OPRD1: variants seen among roughly 807,000 people sequenced by gnomAD.
OPRD1 encodes delta-type opioid receptor.
In OPRD1, 19 loss-of-function variants were observed where a neutral mutation model predicts 17.5. That is an observed-to-expected ratio of 1.09 (90% CI 0.76 to 1.60). OPRD1 has a LOEUF of 1.60. OPRD1 is among the 40% of genes most tolerant of loss of function. The probability of loss-of-function intolerance (pLI) is 0.00; values close to 1 mark genes in which losing one functional copy is unlikely to be tolerated. For synonymous variants in OPRD1, 256 were observed against 240.9 expected (o/e 1.06, Z -0.58); for missense variants, 483 against 547.2 (o/e 0.88, Z 1.17).
intron 1 of OPRD1, among the ~76,000 whole-genome samples, chr1:28,818,046 G>T (rs187215414): frequency 6.6e-6 from 1 of 152,146 alleles, no homozygotes; most frequent in Admixed American, 6.5e-5. Flanking sequence ...AAATTGGGGC[G>T]ATATGACAGG....
intron 1 of OPRD1, among the ~76,000 whole-genome samples, chr1:28,816,371 C>T (rs934075747): frequency 3.9e-5 from 6 of 152,008 alleles, no homozygotes; most frequent in African/African-American, 9.6e-5. Flanking sequence ...AGCTAAAGGA[C>T]GAGGAGGGGA....
chr1:28,866,651 G>A lies in OPRD1; in HGVS notation c.*3368G>A, dbSNP rs564770168. On this transcript the variant is annotated 3_prime_UTR_variant, in exon 3 of 3. Coordinates refer to ENST00000234961, the MANE Select transcript of OPRD1 (RefSeq NM_000911.4). ...TGGAATTCCAGGGTCCATGTTTCCAGTTAATTCCAGGCATCAGTGAAGTAG... is the reference window on the plus strand; with the variant it reads ...TGGAATTCCAGGGTCCATGTTTCCAATTAATTCCAGGCATCAGTGAAGTAG... The A allele has an allele frequency of 2.0e-5, 3 of 152,152 alleles. No individual in the cohort carries two copies. The highest frequency in any genetic ancestry group is 4.4e-5 in the Non-Finnish European group (3 of 68,018). The allele number at this position is 152,152 out of a possible 1,614,324, so 9.4% of individuals were successfully genotyped here. A position where few individuals can be genotyped will look rare whatever the true frequency, so the allele number is the denominator to read the frequency against.
In OPRD1 at chr1:28,845,202, G is replaced by A. The variant is rs112397647; in HGVS notation, c.228-13752G>A. 7.2e-5 allele frequency among the ~76,000 whole-genome samples: 11 copies of A among 151,878 alleles called. 1 individual carries two copies. The highest frequency in any genetic ancestry group is 2.7e-4 in the African/African-American group (11 of 41,408). ...TACTAAAAATACAAAAATTAGCTGG[G>A]GCCAGGCACGGTGGCTCATGCCTGT... On this transcript the variant is annotated intron_variant, in intron 1 of 2. Coordinates refer to ENST00000234961, the MANE Select transcript of OPRD1 (RefSeq NM_000911.4).
intron 1 of OPRD1, among the ~76,000 whole-genome samples, chr1:28,846,862 C>CTTTCTTTCTTTCTTTCTTTCT (rs2088954109): frequency 3.4e-5 from 2 of 59,446 alleles, no homozygotes; most frequent in Admixed American, 1.9e-4. Context: ...TTCTTTCTTT[C>CTTTCTTTCTTTCTTTCTTTCT]TTTCTTTCTT....
intron 1 of OPRD1, among the ~76,000 whole-genome samples, chr1:28,857,382 T>G (rs984403414): frequency 3.9e-5 from 6 of 152,194 alleles, no homozygotes; most frequent in African/African-American, 1.4e-4. Flanking sequence ...GAACCCAGAT[T>G]TGCTTTCTGC....
rs779559537 is a variant in OPRD1, at chr1:28,863,231, G to A, written c.1067G>A (p.Arg356His). 1.3e-6 allele frequency: 2 copies of A among 1,563,972 alleles called. No homozygotes were observed. Among genetic ancestry groups the A allele is most frequent in the South Asian group, 1.2e-5 (1 of 86,668 alleles). ...SRAREATARE[R>H]VTACTPSDGP... ...GCCCGCGAAGCCACGGCCCGCGAGC[G>A]TGTCACCGCCTGCACCCCGTCCGAT... The change falls in exon 3 of 3, where the codon CGT (arginine) becomes CAT (histidine). Residue 356 changes from arginine to histidine, a missense_variant. Arg to His is a conservative substitution (Grantham distance 29, BLOSUM62 0). Coordinates refer to ENST00000234961, the MANE Select transcript of OPRD1 (RefSeq NM_000911.4).
chr1:28,863,261 C>T lies in OPRD1; in HGVS notation c.1097C>T (p.Pro366Leu), dbSNP rs748614920. Residue 366 changes from proline (P) to leucine (L), a missense_variant, in exon 3 of 3, where the codon CCC (proline) becomes CTC (leucine). Coordinates refer to ENST00000234961, the MANE Select transcript of OPRD1 (RefSeq NM_000911.4). ...ACCGCCTGCACCCCGTCCGATGGTC[C>T]CGGCGGTGGCGCTGCCGCCTGACCA... ...RVTACTPSDG[P>L]GGGAAA 24 of 1,471,716 alleles carry T rather than the reference C, an allele frequency of 1.6e-5. No individual in the cohort carries two copies. Among genetic ancestry groups the T allele is most frequent in the Non-Finnish European group, 2.0e-5 (22 of 1,123,192 alleles). The allele number at this position is 1,471,716 out of a possible 1,614,324, so 91.2% of individuals were successfully genotyped here. A position where few individuals can be genotyped will look rare whatever the true frequency, so the allele number is the denominator to read the frequency against.
chr1:28,842,355 C>T (rs540812976), intron 1 of OPRD1, among the ~76,000 whole-genome samples: 1 of 152,328 alleles, frequency 6.6e-6, no homozygotes, highest in Non-Finnish European at 1.5e-5. Flanking sequence ...AGACGTCGGC[C>T]GCTCTGACCA....
intron 1 of OPRD1, among the ~76,000 whole-genome samples, chr1:28,828,600 C>T (rs1320393916): frequency 1.3e-5 from 2 of 149,734 alleles, no homozygotes; most frequent in South Asian, 2.1e-4. Context: ...GAGGGAGAGT[C>T]GCTTGAGCTC....
In OPRD1 at chr1:28,817,006, C is replaced by T. The variant is rs1048322646; in HGVS notation, c.227+4396C>T. On this transcript the variant is annotated intron_variant, in intron 1 of 2. Coordinates refer to ENST00000234961, the MANE Select transcript of OPRD1 (RefSeq NM_000911.4). ...GTCTGTTCCACAGCCTTCTCTGTTT[C>T]CCTGCCTCCTCTGCGCCCCGAGCTA... Among the ~76,000 whole-genome samples, 11 of 152,312 alleles carry T rather than the reference C, an allele frequency of 7.2e-5. 1 individual carries two copies. In the East Asian group the frequency reaches 1.7e-3, roughly 24 times the overall value.
At chr1:28,833,572 A>T (rs944143264) in intron 1 of OPRD1, among the ~76,000 whole-genome samples, 2 of 152,224 alleles carry the variant, frequency 1.3e-5, no homozygotes, top group African/African-American at 4.8e-5. Context: ...ATCTCCTTAA[A>T]GTCAGCTGAT....
intron 1 of OPRD1, among the ~76,000 whole-genome samples, chr1:28,832,406 C>T (rs1309431565): frequency 6.6e-6 from 1 of 151,920 alleles, no homozygotes; most frequent in African/African-American, 2.4e-5. Flanking sequence ...TCGCTCGAGC[C>T]CAGGAGTTCA....
intron 1 of OPRD1, among the ~76,000 whole-genome samples, chr1:28,818,978 T>G (rs1244431680): frequency 6.7e-6 from 1 of 149,658 alleles, no homozygotes; most frequent in African/African-American, 2.5e-5. Context: ...AGGGGGATTT[T>G]GGAGCAATCT....
chr1:28,837,776 A>G (rs903387252), intron 1 of OPRD1, among the ~76,000 whole-genome samples: 16 of 150,586 alleles, frequency 1.1e-4, no homozygotes. Flanking sequence ...CTCCTACCTC[A>G]GCCTTCCAAA....
intron 1 of OPRD1, among the ~76,000 whole-genome samples, chr1:28,817,651 G>A (rs917918679): frequency 6.6e-6 from 1 of 152,154 alleles, no homozygotes; most frequent in Non-Finnish European, 1.5e-5. Context: ...TAGAGGTCAG[G>A]GAGCGCCTGG....
chr1:28,830,182 C>T (rs188116), intron 1 of OPRD1, among the ~76,000 whole-genome samples: 7,545 of 152,076 alleles, frequency 0.05, 626 homozygotes, highest in African/African-American at 0.17. Context: ...CATCCTCTTA[C>T]AGGCGTGTGG....
chr1:28,858,583 T>C (rs1177654172), intron 1 of OPRD1, among the ~76,000 whole-genome samples: 2 of 149,102 alleles, frequency 1.3e-5, no homozygotes, highest in Admixed American at 1.3e-4. Context: ...TTCGCTTTTA[T>C]CGCTCAGGCT....
intron 2 of OPRD1, among the ~76,000 whole-genome samples, chr1:28,861,450 T>G (rs1038200224): frequency 6.6e-6 from 1 of 152,098 alleles, no homozygotes; most frequent in Non-Finnish European, 1.5e-5. Flanking sequence ...TGTTTTGTTT[T>G]TGTTGTTGTT....
chr1:28,835,461 C>T (rs1348032610), intron 1 of OPRD1, among the ~76,000 whole-genome samples: 1 of 152,226 alleles, frequency 6.6e-6, no homozygotes, highest in Non-Finnish European at 1.5e-5. Flanking sequence ...ACTTTCCTTC[C>T]TCAGGCTGTG....
Sources: gnomAD v4.1 joint callset for allele counts (sites outside exome capture counted in the v4.1 genomes callset) on GRCh38, gnomAD v4.1.1 for gene constraint, MANE v1.5 for transcripts, NCBI Gene and HGNC (gene_info 2026-07-23, HGNC 2026-07-21) for gene names.